The following SGCD variants were observed in gnomAD, a reference collection of about 807,000 sequenced individuals.
SGCD encodes delta-sarcoglycan.
In SGCD, 18 loss-of-function variants were observed where a neutral mutation model predicts 36.6. The ratio of observed to expected loss-of-function variants is 0.49; its 90% CI spans 0.34 to 0.73. SGCD has a LOEUF of 0.73. Among genes scored for constraint, SGCD ranks in the 30% least tolerant of loss-of-function variants. The probability of loss-of-function intolerance (pLI) is 0.01; values close to 1 mark genes in which losing one functional copy is unlikely to be tolerated. For synonymous variants in SGCD, 133 were observed against 130.6 expected (o/e 1.02, Z -0.12); for missense variants, 387 against 346.7 (o/e 1.12, Z -0.92).
At chr5:156,128,224 C>T (rs181721474) in intron 3 of SGCD, among the ~76,000 whole-genome samples, 4 of 152,194 alleles carry the variant, frequency 2.6e-5, no homozygotes, top group East Asian at 1.9e-4. Context: ...AAAAATAAAA[C>T]GAATGAGAGC....
chr5:156,704,679 A>C (rs1754668234), intron 7 of SGCD, among the ~76,000 whole-genome samples: 1 of 152,210 alleles, frequency 6.6e-6, no homozygotes, highest in Non-Finnish European at 1.5e-5. Flanking sequence ...TATTTTAGTA[A>C]AGCAGGTATC....
intron 3 of SGCD, among the ~76,000 whole-genome samples, chr5:156,311,150 A>G (rs181184467): frequency 4.9e-4 from 74 of 152,348 alleles, no homozygotes; most frequent in African/African-American, 1.8e-3. Context: ...CAACTATAAA[A>G]TGGTTTTTCT....
intron 1 of SGCD, among the ~76,000 whole-genome samples, chr5:155,963,932 G>C (rs1757846467): frequency 6.6e-6 from 1 of 152,074 alleles, no homozygotes; most frequent in South Asian, 2.1e-4. Flanking sequence ...CAGATGTTGA[G>C]TTTTTGTTCA....
chr5:156,189,235 A>C lies in SGCD; in HGVS notation c.-44+65216A>C, dbSNP rs969496069. Among the ~76,000 whole-genome samples, 35 of 152,176 alleles carry C rather than the reference A, an allele frequency of 2.3e-4. 1 individual carries two copies. Among genetic ancestry groups the C allele is most frequent in the Non-Finnish European group, 2.9e-4 (20 of 68,030 alleles). The stretch of plus-strand genomic sequence containing the variant: ...TATGAAGAGTACGTGCTAGTGACAC[A>C]GATGTTCTGTTTTTTTGGAGGCTGA... On this transcript the variant is annotated intron_variant, in intron 3 of 9. Transcript: ENST00000517913.
At chr5:156,524,162 C>A (rs1331343218) in intron 4 of SGCD, among the ~76,000 whole-genome samples, 17 of 52,636 alleles carry the variant, frequency 3.2e-4, no homozygotes, top group Admixed American at 7.0e-4. Context: ...TTACATAAAA[C>A]TACAGTTTTA....
intron 3 of SGCD, among the ~76,000 whole-genome samples, chr5:156,377,973 T>C (rs1362521221): frequency 1.3e-5 from 2 of 152,150 alleles, no homozygotes; most frequent in African/African-American, 2.4e-5. Context: ...TTATTTCTCC[T>C]ATGATTTAGC....
chr5:156,500,013 T>C (rs1024781920), intron 3 of SGCD, among the ~76,000 whole-genome samples: 1 of 152,214 alleles, frequency 6.6e-6, no homozygotes, highest in Admixed American at 6.5e-5. Flanking sequence ...GAAATGTCGA[T>C]ATTAAAGATA....
chr5:156,542,020 A>T (rs1028588497), intron 4 of SGCD, among the ~76,000 whole-genome samples: 1 of 152,216 alleles, frequency 6.6e-6, no homozygotes, highest in Non-Finnish European at 1.5e-5. Flanking sequence ...GGTTAAATTT[A>T]AAATCACTGC....
chr5:155,966,145 G>C (rs375899262), intron 1 of SGCD, among the ~76,000 whole-genome samples: 1 of 152,028 alleles, frequency 6.6e-6, no homozygotes. Context: ...GAAATCCCAC[G>C]TTCTTTACAC....
chr5:156,286,904 A>T lies in SGCD; in HGVS notation c.-43-42630A>T, dbSNP rs148537147. ...TAGAGTGGATGGTAATAAGAAGGGAAATTTGGCATAGGATGATCTCTTTTT... is the reference window on the plus strand; with the variant it reads ...TAGAGTGGATGGTAATAAGAAGGGATATTTGGCATAGGATGATCTCTTTTT... On this transcript the variant is annotated intron_variant, in intron 3 of 9. Transcript: ENST00000517913. Among the ~76,000 whole-genome samples the T allele has an allele frequency of 1.8e-3, 276 of 152,178 alleles. 1 individual carries two copies. Among genetic ancestry groups the T allele is most frequent in the African/African-American group, 6.5e-3 (270 of 41,536 alleles).
At chr5:156,581,245 A>G (rs1561793434) in intron 4 of SGCD, among the ~76,000 whole-genome samples, 20 of 152,162 alleles carry the variant, frequency 1.3e-4, no homozygotes, top group South Asian at 2.1e-4. Flanking sequence ...AGAACAGCAA[A>G]TATTGCAGAA....
intron 1 of SGCD, among the ~76,000 whole-genome samples, chr5:156,091,381 T>G (rs1257627262): frequency 6.6e-6 from 1 of 152,200 alleles, no homozygotes; most frequent in African/African-American, 2.4e-5. Context: ...GTGTAAATGT[T>G]TATTCACTTT....
chr5:155,730,962 A>G, the SGCD span, among the ~76,000 whole-genome samples: 1 of 152,340 alleles, frequency 6.6e-6, no homozygotes, highest in East Asian at 1.9e-4. Context: ...CATGGGGCGC[A>G]TGCCTCTCCA....
intron 3 of SGCD, among the ~76,000 whole-genome samples, chr5:156,174,399 A>C (rs1763416307): frequency 6.6e-6 from 1 of 152,154 alleles, no homozygotes; most frequent in Non-Finnish European, 1.5e-5. Context: ...ACAGTAGGTC[A>C]TGTGGCTGGA....
At chr5:156,537,225 C>T (rs1413608935) in intron 4 of SGCD, among the ~76,000 whole-genome samples, 4 of 152,084 alleles carry the variant, frequency 2.6e-5, no homozygotes, top group Non-Finnish European at 4.4e-5. Context: ...CAGGACAGTG[C>T]TCTCTCCCCC....
chr5:156,135,042 T>C (rs544448608), intron 3 of SGCD, among the ~76,000 whole-genome samples: 1 of 152,286 alleles, frequency 6.6e-6, no homozygotes, highest in African/African-American at 2.4e-5. Context: ...AAGGCAACAA[T>C]TCTTGTTTTT....
At chr5:156,070,003 T>A (rs1180323381) in intron 1 of SGCD, among the ~76,000 whole-genome samples, 1 of 152,048 alleles carries the variant, frequency 6.6e-6, no homozygotes, top group Admixed American at 6.5e-5. Context: ...TTTACCAAAG[T>A]TGCTTATCAG....
the SGCD span, among the ~76,000 whole-genome samples, chr5:155,771,519 GTTCA>G: frequency 1.3e-5 from 2 of 151,952 alleles, no homozygotes; most frequent in Admixed American, 6.6e-5. Context: ...CACCTCCCAG[GTTCA>G]AGCGATTCTC....
chr5:156,354,856 G>A (rs10044891), intron 3 of SGCD, among the ~76,000 whole-genome samples: 22,585 of 152,152 alleles, frequency 0.15, 2,327 homozygotes, highest in African/African-American at 0.29. Context: ...GTAGACAGGG[G>A]TGGGGTTAGG....
Sources: gnomAD v4.1 joint callset for allele counts (sites outside exome capture counted in the v4.1 genomes callset) on GRCh38, gnomAD v4.1.1 for gene constraint, MANE v1.5 for transcripts, NCBI Gene and HGNC (gene_info 2026-07-23, HGNC 2026-07-21) for gene names.